Variants in TRMT13 observed in about 807,000 individuals in gnomAD.
The protein encoded by TRMT13 is tRNA methyltransferase 13, also known as tRNA:m(4)X modification enzyme TRM13 homolog.
TRMT13 carries 45 observed loss-of-function variants against 55.9 expected under a neutral mutation model. That is an observed-to-expected ratio of 0.80 (90% CI 0.63 to 1.03). TRMT13 has a LOEUF of 1.03. Ranked by LOEUF, TRMT13 falls within the 50% of genes least tolerant of loss-of-function variation. The pLI, the probability that TRMT13 is intolerant of heterozygous loss-of-function variation, is 0.00. For synonymous variants in TRMT13, 183 were observed against 196.3 expected, an observed-to-expected ratio of 0.93 and a Z score of 0.57; for missense variants, 513 against 563.9, an observed-to-expected ratio of 0.91 and a Z score of 0.91.
chr1:100,133,908 G>T (rs756794182), intron 1 of TRMT13, among the ~76,000 whole-genome samples: 3 of 151,770 alleles, frequency 2.0e-5, no homozygotes, highest in Non-Finnish European at 4.4e-5. Flanking sequence ...CAGCCGTGGC[G>T]CGAGCTACTA....
chr1:100,142,391 G>A (rs1656743552), intron 7 of TRMT13, among the ~76,000 whole-genome samples: 1 of 152,176 alleles, frequency 6.6e-6, no homozygotes, highest in African/African-American at 2.4e-5. Context: ...ATCCAAGTAA[G>A]AAAGAGGCCA....
intron 7 of TRMT13, 170 bp from the exon 8 acceptor site, chr1:100,142,967 C>T (rs1656802821): frequency 1.8e-6 from 1 of 546,506 alleles, no homozygotes; most frequent in Admixed American, 3.5e-5. Flanking sequence ...ATTTTCAAAT[C>T]TTTTTTAAAA....
Position 100,144,999 on chromosome 1 carries a change from A to G in TRMT13, c.817+856A>G, listed in dbSNP as rs551570304. On this transcript the variant is annotated intron_variant, in intron 9 of 10. Transcript: ENST00000370141. ...CAACATAACGATGATTTGGTCAACAATGGACTCATATATGACAGTGGTCCT... is the reference window on the plus strand; with the variant it reads ...CAACATAACGATGATTTGGTCAACAGTGGACTCATATATGACAGTGGTCCT... Among the ~76,000 whole-genome samples, 11 of 152,360 alleles carry G rather than the reference A, an allele frequency of 7.2e-5. No individual in the cohort carries two copies. The East Asian group carries it at 1.7e-3, about 24-fold the overall frequency.
At chr1:100,140,735 T>G in intron 6 of TRMT13, 117 bp from the exon 7 acceptor site, 2 of 1,105,916 alleles carry the variant, frequency 1.8e-6, no homozygotes, top group Non-Finnish European at 2.6e-6. Flanking sequence ...AAATTTTAAG[T>G]CAAATACAAA....
intron 6 of TRMT13, 105 bp from the exon 7 acceptor site, chr1:100,140,747 T>G: frequency 8.7e-7 from 1 of 1,155,638 alleles, no homozygotes; most frequent in Non-Finnish European, 1.2e-6. Context: ...AAATACAAAT[T>G]ATCAATGTAA....
rs374188851 is a variant in TRMT13 at position 100,149,051 on chromosome 1, C to T, written c.*231C>T. 1.6e-5 allele frequency: 25 copies of T among 1,590,106 alleles called. No homozygotes were observed. Among genetic ancestry groups the T allele is most frequent in the African/African-American group, 5.4e-5 (4 of 73,938 alleles). On this transcript the variant is annotated 3_prime_UTR_variant, in exon 11 of 11. Transcript: ENST00000370141. ...GGCATCTTGAATTATATTATCCATC[C>T]GTATTTATGGAGATTGGTAAAGTAG...
chr1:100,145,912 T>C (rs930206645), intron 9 of TRMT13, among the ~76,000 whole-genome samples: 1 of 152,188 alleles, frequency 6.6e-6, no homozygotes, highest in East Asian at 1.9e-4. Context: ...ACACAACTAA[T>C]GTGTCTTTCC....
At chr1:100,135,853 G>A (rs1182184834) in intron 1 of TRMT13, among the ~76,000 whole-genome samples, 3 of 152,082 alleles carry the variant, frequency 2.0e-5, no homozygotes, top group East Asian at 1.9e-4. Context: ...ACAACAGACC[G>A]CATATATGAT....
intron 6 of TRMT13, 67 bp from the exon 7 acceptor site, chr1:100,140,785 T>A: frequency 2.8e-6 from 4 of 1,437,836 alleles, no homozygotes; most frequent in Non-Finnish European, 3.8e-6. Context: ...GAAATTACCT[T>A]GCTGTTTTCC....
At chr1:100,142,952 T>C in intron 7 of TRMT13, 185 bp from the exon 8 acceptor site, 2 of 555,804 alleles carry the variant, frequency 3.6e-6, no homozygotes, top group Non-Finnish European at 6.3e-6. Context: ...TAATAATTGA[T>C]AAACATTTTC....
chr1:100,133,259 A>G lies in TRMT13; in HGVS notation c.91A>G (p.Arg31Gly). 2 of 1,614,102 alleles carry G rather than the reference A, an allele frequency of 1.2e-6. No individual in the cohort carries two copies. The highest frequency in any genetic ancestry group is 2.2e-5 in the East Asian group (1 of 44,880). ...TGTGGAAAAGAAGAAACGGTTCTGCAGGATGGTGGTGGCCGCAGGGAAAAG... is the reference window on the plus strand; with the variant it reads ...TGTGGAAAAGAAGAAACGGTTCTGCGGGATGGTGGTGGCCGCAGGGAAAAG... ...YYVEKKKRFCRMVVAAGKRFC... is the reference protein window; with the variant it reads ...YYVEKKKRFCGMVVAAGKRFC... Residue 31 changes from arginine to glycine, a missense_variant, in exon 1 of 11, where the codon AGG (arginine) becomes GGG (glycine). This residue lies in a region of TRMT13 where 298 missense variants were observed against 290.3 expected (regional missense o/e 1.03). Coordinates refer to ENST00000370141, the MANE Select transcript of TRMT13 (RefSeq NM_019083.3).
chr1:100,144,000 T>A lies in TRMT13; in HGVS notation c.743-69T>A, dbSNP rs12725758. 10 of 1,350,794 alleles carry A rather than the reference T, an allele frequency of 7.4e-6. No individual in the cohort carries two copies. The Admixed American group carries it at 1.8e-4, about 25-fold the overall frequency. 83.7% of individuals were successfully genotyped at this position (1,350,794 alleles called of 1,614,324 possible). A position where few individuals can be genotyped will look rare whatever the true frequency, so the allele number is the denominator to read the frequency against. On this transcript the variant is annotated intron_variant, in intron 8 of 10. Transcript: ENST00000370141. ...AAAATTCAGAGACTCTAATTAGTTCTTTCTTTTGGAAGGCCACATTAATAT... is the reference window on the plus strand; with the variant it reads ...AAAATTCAGAGACTCTAATTAGTTCATTCTTTTGGAAGGCCACATTAATAT...
chr1:100,145,099 A>C (rs1657072491), intron 9 of TRMT13, among the ~76,000 whole-genome samples: 2 of 152,192 alleles, frequency 1.3e-5, no homozygotes, highest in Non-Finnish European at 2.9e-5. Flanking sequence ...ACAGTTGCCT[A>C]CAGTATTCAG....
At chr1:100,136,390 A>G (rs887145622) in intron 1 of TRMT13, among the ~76,000 whole-genome samples, 3 of 152,182 alleles carry the variant, frequency 2.0e-5, no homozygotes, top group African/African-American at 7.2e-5. Context: ...CCATTCCACA[A>G]TGTATACATA....
Position 100,140,939 on chromosome 1 carries a change from T to G in TRMT13, c.589T>G (p.Ser197Ala), listed in dbSNP as rs920915278. ...GTTTGGAGCGGGAAAGGGAAAATTA[T>G]CTCATTGGGTTGATATTGCCTTAAA... ...VEFGAGKGKL[S>A]HWVDIALKDA... The change falls in exon 7 of 11, where the codon TCT becomes GCT. Residue 197 changes from serine (S) to alanine (A), a missense_variant. By Grantham distance (99) the Ser-to-Ala change is moderately conservative. Transcript: ENST00000370141. 3 of 1,613,738 alleles carry G rather than the reference T, an allele frequency of 1.9e-6. No homozygotes were observed. Among genetic ancestry groups the G allele is most frequent in the African/African-American group, 2.7e-5 (2 of 74,926 alleles).
rs1463472908 is a variant in TRMT13 at position 100,148,340 on chromosome 1, T to C, written c.1250+14T>C. On this transcript the variant is annotated intron_variant, in intron 10 of 10. Transcript: ENST00000370141. ...TTGTTTGCCTGGGTAAGAGACTACT[T>C]TTGTAATGCATGATACTAAAGGAGA... 2 of 1,606,816 alleles carry C rather than the reference T, an allele frequency of 1.2e-6. No individual in the cohort carries two copies. Among genetic ancestry groups the C allele is most frequent in the Admixed American group, 3.3e-5 (2 of 59,754 alleles).
Position 100,137,005 on chromosome 1 carries a change from C to T in TRMT13, c.195-14C>T, listed in dbSNP as rs369154911. On this transcript the variant is annotated splice_polypyrimidine_tract_variant and intron_variant, in intron 2 of 10. Coordinates refer to ENST00000370141, the MANE Select transcript of TRMT13 (RefSeq NM_019083.3). ...CACAAGTCTCATTTGAAATAATTTT[C>T]TCTTTAAATTTAGCACAGTATATGA... The T allele has an allele frequency of 3.7e-6, 6 of 1,602,596 alleles. No individual in the cohort carries two copies. The African/African-American group carries it at 8.1e-5, about 22-fold the overall frequency.
chr1:100,136,049 A>G (rs1205240422), intron 1 of TRMT13, among the ~76,000 whole-genome samples: 1 of 152,204 alleles, frequency 6.6e-6, no homozygotes, highest in African/African-American at 2.4e-5. Context: ...ACAGTAGGCT[A>G]TACTATCTAG....
At chr1:100,134,649 A>G (rs1343820337) in intron 1 of TRMT13, among the ~76,000 whole-genome samples, 1 of 152,164 alleles carries the variant, frequency 6.6e-6, no homozygotes, top group Non-Finnish European at 1.5e-5. Flanking sequence ...ACTGGTTTTG[A>G]GGGGACTGGC....
Sources: gnomAD v4.1 joint callset for allele counts (sites outside exome capture counted in the v4.1 genomes callset) on GRCh38, gnomAD v4.1.1 for gene constraint, gnomAD v4.1.1 regional missense constraint, MANE v1.5 for transcripts, NCBI Gene and HGNC (gene_info 2026-07-23, HGNC 2026-07-21) for gene names.